GOLM1: variants seen among roughly 807,000 people sequenced by gnomAD.
GOLM1 encodes epididymis luminal protein 46.
Under a neutral mutation model 50.5 loss-of-function variants are expected in GOLM1, and 31 were observed. The observed-to-expected ratio is 0.61, with a 90% CI of 0.46 to 0.83. GOLM1 has a LOEUF of 0.83. Ranked by LOEUF, GOLM1 falls within the 40% of genes least tolerant of loss-of-function variation. GOLM1 has a pLI of 0.00. For synonymous variants in GOLM1, 178 were observed against 192.8 expected, an observed-to-expected ratio of 0.92 and a Z score of 0.64; for missense variants, 491 against 501.3, an observed-to-expected ratio of 0.98 and a Z score of 0.20.
At chr9:86,065,068 C>T (rs996373904) in intron 3 of GOLM1, among the ~76,000 whole-genome samples, 4 of 152,194 alleles carry the variant, frequency 2.6e-5, no homozygotes, top group African/African-American at 4.8e-5. Flanking sequence ...GCTGGTCTCA[C>T]GCTCTACGCT....
At chr9:86,078,649 G>A (rs563718695) in intron 2 of GOLM1, among the ~76,000 whole-genome samples, 10 of 152,210 alleles carry the variant, frequency 6.6e-5, no homozygotes, top group South Asian at 4.1e-4. Context: ...AGAAGGGCCC[G>A]ACTCAAGTTC....
At chr9:86,053,677 C>CACCCCACA (rs1564347591) in intron 3 of GOLM1, among the ~76,000 whole-genome samples, 1 of 147,926 alleles carries the variant, frequency 6.8e-6, no homozygotes, top group Non-Finnish European at 1.5e-5. Context: ...ACACGGCACA[C>CACCCCACA]CACTCCACAC....
At chr9:86,071,500 G>A in intron 3 of GOLM1, among the ~76,000 whole-genome samples, 1 of 152,016 alleles carries the variant, frequency 6.6e-6, no homozygotes, top group Admixed American at 6.5e-5. Context: ...CCAACACGGA[G>A]AAACCCCGTC....
At chr9:86,084,330 C>T (rs1034170971) in intron 1 of GOLM1, among the ~76,000 whole-genome samples, 3 of 152,140 alleles carry the variant, frequency 2.0e-5, no homozygotes, top group African/African-American at 7.2e-5. Context: ...CTGGCAGATG[C>T]CACCTTAGCC....
intron 3 of GOLM1, among the ~76,000 whole-genome samples, chr9:86,060,547 C>A (rs1411126858): frequency 6.6e-6 from 1 of 151,990 alleles, no homozygotes; most frequent in Non-Finnish European, 1.5e-5. Context: ...GTCCACAAGC[C>A]CCTAAAGATG....
chr9:86,042,079 T>C (rs1021877617), intron 5 of GOLM1, among the ~76,000 whole-genome samples: 1 of 152,176 alleles, frequency 6.6e-6, no homozygotes, highest in Non-Finnish European at 1.5e-5. Flanking sequence ...ATCGCGCCAC[T>C]GCACTCCAGC....
intron 3 of GOLM1, among the ~76,000 whole-genome samples, chr9:86,053,636 A>ACCACACCC (rs1833878466): frequency 3.6e-4 from 1 of 2,806 alleles, no homozygotes; most frequent in Admixed American, 4.3e-3. Context: ...TCACTACAAA[A>ACCACACCC]CACACACCAC....
intron 6 of GOLM1, among the ~76,000 whole-genome samples, chr9:86,038,236 G>A (rs1833216014): frequency 6.6e-6 from 1 of 151,974 alleles, no homozygotes; most frequent in Admixed American, 6.5e-5. Flanking sequence ...TTACCCCTAG[G>A]AGCTCAACCA....
At chr9:86,077,260 G>C (rs1254553721) in intron 3 of GOLM1, 152 bp downstream of exon 3, 1 of 643,936 alleles carries the variant, frequency 1.6e-6, no homozygotes. Context: ...AGGGGAAAGG[G>C]AGAGAATGCC....
intron 1 of GOLM1, among the ~76,000 whole-genome samples, chr9:86,085,908 G>C (rs1170721549): frequency 6.6e-6 from 1 of 152,138 alleles, no homozygotes; most frequent in African/African-American, 2.4e-5. Flanking sequence ...CCAAGTCTTT[G>C]CTATCGTGAA....
intron 3 of GOLM1, among the ~76,000 whole-genome samples, chr9:86,069,293 A>C (rs1834386584): frequency 6.6e-6 from 1 of 152,218 alleles, no homozygotes; most frequent in South Asian, 2.1e-4. Context: ...TAACATACAC[A>C]ATCATTGCAA....
At chr9:86,079,401 C>A in intron 1 of GOLM1, 60 bp from the exon 2 acceptor site, 1 of 1,328,430 alleles carries the variant, frequency 7.5e-7, no homozygotes, top group South Asian at 1.5e-5. Flanking sequence ...CCGAAGCAGA[C>A]CGTATCATCC....
intron 1 of GOLM1, among the ~76,000 whole-genome samples, chr9:86,095,005 C>A (rs147989042): frequency 0.01 from 1,541 of 151,370 alleles, 17 homozygotes; most frequent in Non-Finnish European, 0.014. Flanking sequence ...ATCACTAGAA[C>A]CTGGGAAGCG....
At chr9:86,059,403 A>T (rs963980975) in intron 3 of GOLM1, among the ~76,000 whole-genome samples, 2 of 152,232 alleles carry the variant, frequency 1.3e-5, no homozygotes, top group African/African-American at 4.8e-5. Flanking sequence ...AACACGGATG[A>T]GGCTTGGAAA....
At chr9:86,053,999 C>T (rs990034077) in intron 3 of GOLM1, among the ~76,000 whole-genome samples, 1 of 152,136 alleles carries the variant, frequency 6.6e-6, no homozygotes. Flanking sequence ...CTAACAAGAC[C>T]TCTCGATGCA....
At chr9:86,083,075 C>T (rs1001750278) in intron 1 of GOLM1, among the ~76,000 whole-genome samples, 1 of 152,190 alleles carries the variant, frequency 6.6e-6, no homozygotes, top group African/African-American at 2.4e-5. Context: ...GTTTTCCAGG[C>T]TTATTTCCAA....
In GOLM1 at chr9:86,052,606, A is replaced by G; in HGVS notation, c.310-15T>C. 2 of 1,612,412 alleles carry G rather than the reference A, an allele frequency of 1.2e-6. No homozygotes were observed. Among genetic ancestry groups the G allele is most frequent in the Non-Finnish European group, 1.7e-6 (2 of 1,178,534 alleles). On this transcript the variant is annotated splice_polypyrimidine_tract_variant and intron_variant, in intron 3 of 9. Coordinates refer to ENST00000388712, the MANE Select transcript of GOLM1 (RefSeq NM_016548.4). ...ACCAAAACCGCCTGCAACGAAGATA[A>G]ACTCGCATGAAACACCCAAACCAAC...
chr9:86,085,527 C>T (rs563156239), intron 1 of GOLM1, among the ~76,000 whole-genome samples: 27 of 133,932 alleles, frequency 2.0e-4, no homozygotes, highest in Non-Finnish European at 3.1e-4. Flanking sequence ...ATGTGCAAAA[C>T]GTGCAGGTTT....
chr9:86,035,011 T>C (rs959591943), intron 8 of GOLM1: 1 of 985,296 alleles, frequency 1.0e-6, no homozygotes, highest in Non-Finnish European at 1.2e-6. Flanking sequence ...ATTGTCTAAA[T>C]GGCACCAGAC....
Sources: allele counts gnomAD v4.1 joint callset (sites outside exome capture counted in the v4.1 genomes callset), GRCh38; gene constraint gnomAD v4.1.1; transcripts MANE v1.5; gene names NCBI Gene and HGNC (gene_info 2026-07-23, HGNC 2026-07-21).